The following CTNND1 variants were observed in gnomAD, a reference collection of about 807,000 sequenced individuals.
The protein encoded by CTNND1 is catenin delta-1.
A neutral mutation model predicts 112.1 loss-of-function variants in CTNND1; 16 were observed. The ratio of observed to expected loss-of-function variants is 0.14; its 90% CI spans 0.10 to 0.22. The LOEUF (loss-of-function observed/expected upper bound fraction) is 0.22. Ranked by LOEUF, CTNND1 falls within the 10% of genes least tolerant of loss-of-function variation. CTNND1 has a pLI of 1.00. For synonymous variants in CTNND1, 420 were observed against 446.5 expected, an observed-to-expected ratio of 0.94 and a Z score of 0.75; for missense variants, 1,008 against 1,257.0, an observed-to-expected ratio of 0.80 and a Z score of 3.00.
At chr11:57,798,915 A>G (rs1278212034) in intron 6 of CTNND1, among the ~76,000 whole-genome samples, 1 of 152,188 alleles carries the variant, frequency 6.6e-6, no homozygotes, top group Non-Finnish European at 1.5e-5. Context: ...AATTAGAAAC[A>G]GTGTTTTCCA....
intron 12 of CTNND1, 110 bp from the exon 13 acceptor site, chr11:57,808,055 T>TAGAA: frequency 8.3e-7 from 1 of 1,210,092 alleles, no homozygotes; most frequent in Non-Finnish European, 1.1e-6. Context: ...CCTGATGGTA[T>TAGAA]AGAAGCATAA....
At chr11:57,773,686 C>T (rs1953388934) in intron 1 of CTNND1, among the ~76,000 whole-genome samples, 1 of 150,492 alleles carries the variant, frequency 6.6e-6, no homozygotes, top group African/African-American at 2.4e-5. Flanking sequence ...TCTGTAATCC[C>T]AGCACTTTGG....
intron 1 of CTNND1, among the ~76,000 whole-genome samples, chr11:57,767,585 G>A (rs1200731282): frequency 6.6e-6 from 1 of 152,048 alleles, no homozygotes; most frequent in African/African-American, 2.4e-5. Flanking sequence ...AGTATGGATG[G>A]GGAGCTAGAC....
intron 1 of CTNND1, among the ~76,000 whole-genome samples, chr11:57,762,464 A>C (rs1016693777): frequency 2.0e-5 from 3 of 152,304 alleles, no homozygotes; most frequent in Middle Eastern, 6.8e-3. Flanking sequence ...TGGGAAAGAA[A>C]TTTGTCCGTG....
At chr11:57,783,456 G>A (rs976630364) in intron 1 of CTNND1, among the ~76,000 whole-genome samples, 1 of 151,968 alleles carries the variant, frequency 6.6e-6, no homozygotes, top group Non-Finnish European at 1.5e-5. Context: ...TCAGGAGATC[G>A]AGACCATCCT....
intron 1 of CTNND1, among the ~76,000 whole-genome samples, chr11:57,786,746 A>C (rs1025641194): frequency 6.6e-6 from 1 of 151,778 alleles, no homozygotes; most frequent in African/African-American, 2.4e-5. Context: ...TTCTTTCCCC[A>C]CTCATACATT....
chr11:57,767,508 A>G (rs2135939602), intron 1 of CTNND1, among the ~76,000 whole-genome samples: 1 of 152,298 alleles, frequency 6.6e-6, no homozygotes, highest in African/African-American at 2.4e-5. Flanking sequence ...TGCTAACCAA[A>G]AAGGGAATTT....
At chr11:57,811,082 GA>G (rs2063300141) in intron 16 of CTNND1, among the ~76,000 whole-genome samples, 1 of 152,214 alleles carries the variant, frequency 6.6e-6, no homozygotes. Flanking sequence ...TGCAGGTGAT[GA>G]TGAAGGATGA....
chr11:57,767,599 C>T (rs1332988411), intron 1 of CTNND1, among the ~76,000 whole-genome samples: 1 of 152,092 alleles, frequency 6.6e-6, no homozygotes, highest in African/African-American at 2.4e-5. Flanking sequence ...GCTAGACTGC[C>T]ACGGAGGAAA....
chr11:57,816,245 C>A, intron 20 of CTNND1, 52 bp from the exon 21 acceptor site: 1 of 1,608,934 alleles, frequency 6.2e-7, no homozygotes, highest in South Asian at 1.1e-5. Context: ...TGGGGGGGGT[C>A]TCCTTAATCC....
At chr11:57,811,628 C>T (rs928718802) in intron 17 of CTNND1, 142 bp downstream of exon 17, 13 of 606,142 alleles carry the variant, frequency 2.1e-5, no homozygotes, top group South Asian at 8.8e-5. Context: ...AGGATCCTAA[C>T]GCAGAAATGG....
chr11:57,783,350 G>A (rs1361964905), intron 1 of CTNND1, among the ~76,000 whole-genome samples: 1 of 151,486 alleles, frequency 6.6e-6, no homozygotes, highest in Non-Finnish European at 1.5e-5. Context: ...TTAGACTTTG[G>A]ACTCTGGTAT....
Position 57,803,716 on chromosome 11 carries a change from T to G in CTNND1, c.1516T>G (p.Ser506Ala), listed in dbSNP as rs1260232759. 2 of 1,613,718 alleles carry G rather than the reference T, an allele frequency of 1.2e-6. No individual in the cohort carries two copies. The highest frequency in any genetic ancestry group is 2.7e-5 in the African/African-American group (2 of 74,906). The change falls in exon 8 of 21, where the codon TCT becomes GCT. Residue 506 changes from serine (S) to alanine (A), a missense_variant. Physicochemically the swap from Ser to Ala is moderately conservative, Grantham distance 99. This residue lies in a region of CTNND1 where 216 missense variants were observed against 342.8 expected (regional missense o/e 0.63). Coordinates refer to ENST00000399050, the MANE Select transcript of CTNND1 (RefSeq NM_001085458.2). Reference protein sequence around the residue: ...ALTDEVIIPHSGWEREPNEDC... With the variant: ...ALTDEVIIPHAGWEREPNEDC... ...GACAGATGAAGTGATCATTCCTCAT[T>G]CTGGTTGGGAGCGGGAACCTAATGA...
chr11:57,786,360 C>G (rs898740213), intron 1 of CTNND1, among the ~76,000 whole-genome samples: 2 of 151,850 alleles, frequency 1.3e-5, no homozygotes, highest in African/African-American at 4.8e-5. Flanking sequence ...GGTGAAACCC[C>G]GTCTCCACTA....
At chr11:57,797,719 G>A (rs1275149621) in intron 6 of CTNND1, among the ~76,000 whole-genome samples, 3 of 150,348 alleles carry the variant, frequency 2.0e-5, no homozygotes, top group African/African-American at 7.3e-5. Context: ...GTGCATGCCT[G>A]TAATCTCAGC....
intron 12 of CTNND1, 25 bp downstream of exon 12, chr11:57,807,008 AG>A: frequency 1.3e-6 from 2 of 1,548,770 alleles, no homozygotes; most frequent in Non-Finnish European, 1.8e-6. Context: ...CAGTCTCCAA[AG>A]GTCTCATAAA....
chr11:57,765,483 TGAGACAGGGTC>T (rs1950838012), intron 1 of CTNND1, among the ~76,000 whole-genome samples: 1 of 129,590 alleles, frequency 7.7e-6, no homozygotes, highest in Non-Finnish European at 1.7e-5. Context: ...TTTTTTTTTT[TGAGACAGGGTC>T]TTGCTCTTGT....
intron 1 of CTNND1, among the ~76,000 whole-genome samples, chr11:57,768,453 G>A (rs1951683195): frequency 6.8e-6 from 1 of 146,290 alleles, no homozygotes; most frequent in Non-Finnish European, 1.5e-5. Context: ...GAGTGCAGTG[G>A]CGCGATCTCG....
chr11:57,812,692 T>A (rs2063507561), intron 17 of CTNND1, among the ~76,000 whole-genome samples: 1 of 152,194 alleles, frequency 6.6e-6, no homozygotes, highest in Non-Finnish European at 1.5e-5. Flanking sequence ...TGTTTATTTA[T>A]TTATTTTGAG....
Sources: gnomAD v4.1 joint callset for allele counts (sites outside exome capture counted in the v4.1 genomes callset) on GRCh38, gnomAD v4.1.1 for gene constraint, gnomAD v4.1.1 regional missense constraint, MANE v1.5 for transcripts, NCBI Gene and HGNC (gene_info 2026-07-23, HGNC 2026-07-21) for gene names.